UMAD1: variants seen among roughly 807,000 people sequenced by gnomAD.
UMAD1 encodes UBAP1-MVB12-associated (UMA) domain containing 1.
In UMAD1, 8 loss-of-function variants were observed where a neutral mutation model predicts 6.1. The ratio of observed to expected loss-of-function variants is 1.30; its 90% CI spans 0.76 to 2.35. UMAD1 has a LOEUF of 2.35. Among genes scored for constraint, UMAD1 ranks in the 30% most tolerant of loss-of-function variants. The pLI is 0.00. For missense variants in UMAD1, 130 were observed against 78.4 expected (o/e 1.66, Z -2.49); for synonymous variants, 56 against 31.4 (o/e 1.78, Z -2.61).
chr7:7,676,543 G>GT (rs1779744996), intron 2 of UMAD1, among the ~76,000 whole-genome samples: 1 of 151,980 alleles, frequency 6.6e-6, no homozygotes, highest in Admixed American at 6.6e-5. Context: ...TAACCTCTTT[G>GT]TTTTTTAAAA....
intron 1 of UMAD1, among the ~76,000 whole-genome samples, chr7:7,656,412 A>G (rs1785344431): frequency 6.6e-6 from 1 of 152,068 alleles, no homozygotes; most frequent in African/African-American, 2.4e-5. Context: ...GGTTTGCTGC[A>G]TCCATCAATC....
Position 7,673,310 on chromosome 7 carries a change from TAGCAGCAGCAGCAGCAGCAGCAGCAGC to T in UMAD1, c.-27_-1del. On this transcript the variant is annotated splice_region_variant and 5_prime_UTR_variant, in exon 2 of 4. Transcript: ENST00000682710. ...CATTGTGTAATGTTTCTATTTCAGGTAGCAGCAGCAGCAGCAGCAGCAGCAGCAGCAGCAGCAGCAGCAGCAGCAGCA... is the reference window on the plus strand; with the variant it reads ...CATTGTGTAATGTTTCTATTTCAGGTAGCAGCAGCAGCAGCAGCAGCAGCA... 1.2e-3 allele frequency: 1,286 copies of T among 1,033,848 alleles called. 10 individuals carry two copies. The African/African-American group carries it at 0.017, about 14-fold the overall frequency. The allele number at this position is 1,033,848 out of a possible 1,614,324, so 64.0% of individuals were successfully genotyped here. A position where few individuals can be genotyped will look rare whatever the true frequency, so the allele number is the denominator to read the frequency against.
chr7:7,844,264 G>C (rs1783741319), intron 3 of UMAD1, among the ~76,000 whole-genome samples: 2 of 152,126 alleles, frequency 1.3e-5, no homozygotes, highest in East Asian at 3.8e-4. Context: ...TGGTTGACAT[G>C]AGGGCACAAA....
intron 1 of UMAD1, among the ~76,000 whole-genome samples, chr7:7,643,637 G>T (rs978215889): frequency 6.6e-6 from 1 of 151,600 alleles, no homozygotes; most frequent in Non-Finnish European, 1.5e-5. Flanking sequence ...GCGTGAACCC[G>T]AGAGGCGGAG....
intron 3 of UMAD1, among the ~76,000 whole-genome samples, chr7:7,807,065 C>T (rs1782931556): frequency 6.6e-6 from 1 of 152,092 alleles, no homozygotes; most frequent in Non-Finnish European, 1.5e-5. Flanking sequence ...TACAAAGATA[C>T]CTAAGACCCA....
chr7:7,784,442 T>A (rs1174286603), intron 2 of UMAD1, among the ~76,000 whole-genome samples: 1 of 151,410 alleles, frequency 6.6e-6, no homozygotes, highest in African/African-American at 2.4e-5. Context: ...TTCACGCCCT[T>A]CTCCTGCCTC....
At chr7:7,851,822 T>G (rs1404855171) in intron 3 of UMAD1, among the ~76,000 whole-genome samples, 1 of 152,192 alleles carries the variant, frequency 6.6e-6, no homozygotes, top group African/African-American at 2.4e-5. Context: ...TTCCTCTCAT[T>G]CTGTGGGTTG....
In UMAD1 at chr7:7,796,005, C is replaced by T. The variant is rs947854668; in HGVS notation, c.83-5665C>T. The stretch of plus-strand genomic sequence containing the variant: ...CCAGATCCTATTCAAGATAGAGTCA[C>T]TGGTTCAAAGGCCTCTGACAAGGGG... On this transcript the variant is annotated intron_variant, in intron 2 of 3. Coordinates refer to ENST00000682710, the MANE Select transcript of UMAD1 (RefSeq NM_001302348.2). Among the ~76,000 whole-genome samples, 9 of 152,014 alleles carry T rather than the reference C, an allele frequency of 5.9e-5. 1 individual carries two copies. Among genetic ancestry groups the T allele is most frequent in the African/African-American group, 1.9e-4 (8 of 41,368 alleles).
At chr7:7,871,350 A>T (rs1038520053) in intron 3 of UMAD1, among the ~76,000 whole-genome samples, 1 of 152,214 alleles carries the variant, frequency 6.6e-6, no homozygotes, top group African/African-American at 2.4e-5. Flanking sequence ...TATCCAAAGC[A>T]TGTCTGAAAT....
At chr7:7,876,836 G>T (rs540212752) in intron 3 of UMAD1, among the ~76,000 whole-genome samples, 1 of 152,302 alleles carries the variant, frequency 6.6e-6, no homozygotes, top group Admixed American at 6.5e-5. Flanking sequence ...AATTTGCAAG[G>T]ACACATATAG....
At position 7,757,343 on chromosome 7, in the gene UMAD1, C is replaced by T. The variant is rs114610511; in HGVS notation, c.83-44327C>T. Among the ~76,000 whole-genome samples, 664 of 152,260 alleles carry T rather than the reference C, an allele frequency of 4.4e-3. 3 individuals carry two copies. The highest frequency in any genetic ancestry group is 0.015 in the African/African-American group (632 of 41,536). On this transcript the variant is annotated intron_variant, in intron 2 of 3. Transcript: ENST00000682710. ...TTTTTTAGAATGTTTCCGTCTAATC[C>T]TCTCTCTCAAAAGAAACATTCCCCT...
intron 2 of UMAD1, among the ~76,000 whole-genome samples, chr7:7,721,072 A>G (rs1232689531): frequency 2.0e-5 from 3 of 152,168 alleles, no homozygotes; most frequent in Non-Finnish European, 4.4e-5. Flanking sequence ...ACCACAAGCC[A>G]AGGGACACCA....
At chr7:7,816,125 A>G (rs1400138024) in intron 3 of UMAD1, among the ~76,000 whole-genome samples, 1 of 152,220 alleles carries the variant, frequency 6.6e-6, no homozygotes, top group Non-Finnish European at 1.5e-5. Context: ...GAGGTAGGCA[A>G]TATTATCTAT....
intron 1 of UMAD1, among the ~76,000 whole-genome samples, chr7:7,662,290 G>T (rs1367104913): frequency 6.6e-6 from 1 of 152,136 alleles, no homozygotes; most frequent in Non-Finnish European, 1.5e-5. Context: ...TGGCTCCCTG[G>T]CTTCAGCCCC....
chr7:7,789,282 C>G (rs1782518396), intron 2 of UMAD1, among the ~76,000 whole-genome samples: 1 of 152,054 alleles, frequency 6.6e-6, no homozygotes, highest in Non-Finnish European at 1.5e-5. Context: ...AGAAAAAAAA[C>G]ACATTTCCCT....
At chr7:7,697,505 G>A (rs146163771) in intron 2 of UMAD1, among the ~76,000 whole-genome samples, 1 of 152,148 alleles carries the variant, frequency 6.6e-6, no homozygotes, top group Admixed American at 6.6e-5. Flanking sequence ...TTTGAAATAT[G>A]ATTGTGGCTT....
At chr7:7,651,093 A>G (rs1230742391) in intron 1 of UMAD1, among the ~76,000 whole-genome samples, 1 of 152,244 alleles carries the variant, frequency 6.6e-6, no homozygotes, top group Non-Finnish European at 1.5e-5. Flanking sequence ...TTCTGGTAAT[A>G]TAGCAAATCA....
At chr7:7,763,998 A>G (rs1362260023) in intron 2 of UMAD1, among the ~76,000 whole-genome samples, 1 of 152,228 alleles carries the variant, frequency 6.6e-6, no homozygotes, top group African/African-American at 2.4e-5. Flanking sequence ...AGGTTTAGAA[A>G]TATCACAGGA....
chr7:7,675,654 A>G (rs1252616025), intron 2 of UMAD1, among the ~76,000 whole-genome samples: 2 of 152,222 alleles, frequency 1.3e-5, no homozygotes, highest in Non-Finnish European at 2.9e-5. Flanking sequence ...TCTCAGTACC[A>G]GCTGCTCCAT....
Sources: gnomAD v4.1 joint callset for allele counts (sites outside exome capture counted in the v4.1 genomes callset) on GRCh38, gnomAD v4.1.1 for gene constraint, MANE v1.5 for transcripts, NCBI Gene and HGNC (gene_info 2026-07-23, HGNC 2026-07-21) for gene names.